The following TRAF6 variants were observed in gnomAD, a reference collection of about 807,000 sequenced individuals.
TRAF6 encodes TNF receptor-associated factor 6.
Under a neutral mutation model 48.4 loss-of-function variants are expected in TRAF6, and 10 were observed. The observed-to-expected ratio is 0.21, with a 90% confidence interval of 0.13 to 0.35. TRAF6 has a LOEUF of 0.35. Among genes scored for constraint, TRAF6 ranks in the 10% least tolerant of loss-of-function variants. The pLI, the probability that TRAF6 is intolerant of heterozygous loss-of-function variation, is 1.00. For missense variants in TRAF6, 397 were observed against 661.0 expected (o/e 0.60, Z 4.38); for synonymous variants, 186 against 219.6 (o/e 0.85, Z 1.35).
At chr11:36,501,626 C>A in intron 1 of TRAF6, 89 bp from the exon 2 acceptor site, 2 of 1,033,032 alleles carry the variant, frequency 1.9e-6, no homozygotes, top group Non-Finnish European at 2.7e-6. Flanking sequence ...CTATACAAGT[C>A]ACTTTTTAAT....
intron 6 of TRAF6, among the ~76,000 whole-genome samples, chr11:36,491,877 G>A (rs1859568447): frequency 6.6e-6 from 1 of 152,136 alleles, no homozygotes. Flanking sequence ...TTCCCTAGCT[G>A]GGTGAAGTCA....
chr11:36,489,853 A>C lies in TRAF6; in HGVS notation c.1554T>G (p.Thr518=), dbSNP rs563549800. 5.6e-6 allele frequency: 9 copies of C among 1,613,550 alleles called. No homozygotes were observed. Among genetic ancestry groups the C allele is most frequent in the South Asian group, 5.5e-5 (5 of 91,062 alleles). ...TGAGGGCAAGCTATACCCCTGCATC[A>C]GTACTTCGTGGCTGAAAACCCTCCC... is the stretch of plus-strand genomic sequence containing the variant. The part of the protein sequence containing the change: ...LRREGFQPRS[T]DAGV Residue 518 remains threonine (T), a synonymous_variant, in exon 7 of 7, where the codon ACT becomes ACG. Transcript: ENST00000526995.
intron 1 of TRAF6, among the ~76,000 whole-genome samples, chr11:36,506,089 G>A (rs1182747468): frequency 2.0e-5 from 3 of 151,762 alleles, no homozygotes; most frequent in African/African-American, 7.3e-5. Context: ...GAAAAATGGC[G>A]TGCAAAGACT....
rs139670287 is a variant in TRAF6 at position 36,507,120 on chromosome 11, T to C, written c.-23+2928A>G. On this transcript the variant is annotated intron_variant, in intron 1 of 6. Coordinates refer to ENST00000526995, the MANE Select transcript of TRAF6 (RefSeq NM_004620.4). ...ATACGTGTATATATGTATATATACA[T>C]GTATTATACATACATAAATGTATAT... 8.0e-3 allele frequency among the ~76,000 whole-genome samples: 1,170 copies of C among 145,964 alleles called. 21 individuals are homozygous for C. Among genetic ancestry groups the C allele is most frequent in the African/African-American group, 0.029 (1,115 of 38,778 alleles).
rs1035480446 is a variant in TRAF6, at chr11:36,486,550, A to T, written c.*3288T>A. Among the ~76,000 whole-genome samples the T allele has an allele frequency of 2.2e-4, 34 of 152,154 alleles. No homozygotes were observed. The highest frequency in any genetic ancestry group is 8.0e-4 in the African/African-American group (33 of 41,380). On this transcript the variant is annotated 3_prime_UTR_variant, in exon 7 of 7. Transcript: ENST00000526995. ...TGTATAATTTTATATGGGTCACAAT[A>T]ATTAACTGCTAGAGATCGTCCAGTA... is the stretch of plus-strand genomic sequence containing the variant.
intron 5 of TRAF6, among the ~76,000 whole-genome samples, chr11:36,493,230 T>C (rs1462840426): frequency 6.6e-6 from 1 of 152,216 alleles, no homozygotes; most frequent in Non-Finnish European, 1.5e-5. Context: ...TTCTCTAAGG[T>C]AAGATCCTTT....
intron 1 of TRAF6, 166 bp from the exon 2 acceptor site, chr11:36,501,703 G>C (rs1590642902): frequency 1.5e-5 from 7 of 459,608 alleles, no homozygotes; most frequent in Middle Eastern, 5.7e-4. Flanking sequence ...GCTTTTTCAT[G>C]ACTATTATAA....
In TRAF6 at chr11:36,489,167, A is replaced by C. The variant is rs962938456; in HGVS notation, c.*671T>G. The C allele has an allele frequency of 1.2e-4, 19 of 152,608 alleles. No individual in the cohort carries two copies. The highest frequency in any genetic ancestry group is 4.3e-4 in the African/African-American group (18 of 41,460). The allele number at this position is 152,608 out of a possible 1,614,324, so 9.5% of individuals were successfully genotyped here. A position where few individuals can be genotyped will look rare whatever the true frequency, so the allele number is the denominator to read the frequency against. On this transcript the variant is annotated 3_prime_UTR_variant, in exon 7 of 7. Coordinates refer to ENST00000526995, the MANE Select transcript of TRAF6 (RefSeq NM_004620.4). ...CCTCAAGGAAATAAGTAAGCAAGGC[A>C]GAAGGAACACTTAAACAAGTATTAT...
chr11:36,499,449 G>C (rs901596784), intron 2 of TRAF6, among the ~76,000 whole-genome samples: 1 of 151,858 alleles, frequency 6.6e-6, no homozygotes, highest in African/African-American at 2.4e-5. Context: ...TTTGTGGGTT[G>C]TATTTCCTTT....
rs1323491666 is a variant in TRAF6 at position 36,485,899 on chromosome 11, C to CCAT, written c.*3936_*3938dup. ...AGAAACAGAGAAACTAACTTACAGT[C>CCAT]CATCATGTCAATCTGGGAGTTTAGA... On this transcript the variant is annotated 3_prime_UTR_variant, in exon 7 of 7. Coordinates refer to ENST00000526995, the MANE Select transcript of TRAF6 (RefSeq NM_004620.4). Among the ~76,000 whole-genome samples the CCAT allele has an allele frequency of 6.6e-6, 1 of 152,096 alleles. No individual in the cohort carries two copies. Among genetic ancestry groups the CCAT allele is most frequent in the Non-Finnish European group, 1.5e-5 (1 of 68,036 alleles).
intron 2 of TRAF6, among the ~76,000 whole-genome samples, chr11:36,499,168 A>G (rs939456001): frequency 6.6e-6 from 1 of 152,212 alleles, no homozygotes; most frequent in African/African-American, 2.4e-5. Context: ...AACAGGCAAC[A>G]AAAGTTTCCT....
chr11:36,492,723 T>A, intron 5 of TRAF6, 95 bp from the exon 6 acceptor site: 1 of 914,200 alleles, frequency 1.1e-6, no homozygotes, highest in Non-Finnish European at 1.7e-6. Flanking sequence ...AATGGCTGCT[T>A]TGTACCACAT....
Position 36,488,642 on chromosome 11 carries a change from A to G in TRAF6, c.*1196T>C, listed in dbSNP as rs187765534. The G allele has an allele frequency of 2.6e-5, 4 of 152,242 alleles. No homozygotes were observed. Among genetic ancestry groups the G allele is most frequent in the African/African-American group, 9.6e-5 (4 of 41,536 alleles). 9.4% of individuals were successfully genotyped at this position (152,242 alleles called of 1,614,324 possible). On this transcript the variant is annotated 3_prime_UTR_variant, in exon 7 of 7. Coordinates refer to ENST00000526995, the MANE Select transcript of TRAF6 (RefSeq NM_004620.4). ...TGGCACACAAAAAAATCATCTCCCTATTAGGAAAATCTGGTTACTTCCAGG... is the reference window on the plus strand; with the variant it reads ...TGGCACACAAAAAAATCATCTCCCTGTTAGGAAAATCTGGTTACTTCCAGG...
intron 5 of TRAF6, among the ~76,000 whole-genome samples, chr11:36,494,543 A>G (rs1321912697): frequency 6.6e-6 from 1 of 152,122 alleles, no homozygotes; most frequent in African/African-American, 2.4e-5. Flanking sequence ...CTCCTACTGA[A>G]CAGAACTGCC....
At chr11:36,504,070 C>A (rs117697580) in intron 1 of TRAF6, among the ~76,000 whole-genome samples, 1 of 152,156 alleles carries the variant, frequency 6.6e-6, no homozygotes, top group Non-Finnish European at 1.5e-5. Flanking sequence ...TCATCTGAGC[C>A]TTCAGCGAGC....
At chr11:36,507,013 CTAACT>C (rs2133679998) in intron 1 of TRAF6, among the ~76,000 whole-genome samples, 1 of 151,578 alleles carries the variant, frequency 6.6e-6, no homozygotes, top group South Asian at 2.1e-4. Flanking sequence ...GAAAAATCAC[CTAACT>C]TAATTATAAC....
intron 1 of TRAF6, among the ~76,000 whole-genome samples, chr11:36,505,028 G>A (rs1451966660): frequency 2.0e-5 from 3 of 152,188 alleles, no homozygotes; most frequent in Non-Finnish European, 4.4e-5. Flanking sequence ...AGGCTTTGTT[G>A]TTACCTTTAT....
At chr11:36,508,870 C>G (rs1248536039) in intron 1 of TRAF6, among the ~76,000 whole-genome samples, 2 of 152,196 alleles carry the variant, frequency 1.3e-5, no homozygotes, top group Non-Finnish European at 2.9e-5. Context: ...CTCTCCAAAT[C>G]TAAGTGTCCA....
At chr11:36,504,129 T>C (rs1041333449) in intron 1 of TRAF6, among the ~76,000 whole-genome samples, 3 of 152,202 alleles carry the variant, frequency 2.0e-5, no homozygotes, top group African/African-American at 4.8e-5. Context: ...TTGATGGCTG[T>C]TGACTGATCA....
Sources: gnomAD v4.1 joint callset for allele counts (sites outside exome capture counted in the v4.1 genomes callset) on GRCh38, gnomAD v4.1.1 for gene constraint, MANE v1.5 for transcripts, NCBI Gene and HGNC (gene_info 2026-07-23, HGNC 2026-07-21) for gene names.